The following GALNT13 variants were observed in gnomAD, a reference collection of about 807,000 sequenced individuals.
The protein encoded by GALNT13 is polypeptide N-acetylgalactosaminyltransferase 13, also known as UDP-GalNAc:polypeptide N-acetylgalactosaminyltransferase 13.
GALNT13 carries 28 observed loss-of-function variants against 64.2 expected under a neutral mutation model. The observed-to-expected ratio is 0.44, with a 90% CI of 0.32 to 0.60. The LOEUF (loss-of-function observed/expected upper bound fraction) is 0.60, where lower values mean the gene tolerates loss of function less well. Ranked by LOEUF, GALNT13 falls within the 20% of genes least tolerant of loss-of-function variation. The pLI is 0.05. For synonymous variants in GALNT13, 214 were observed against 224.6 expected, an observed-to-expected ratio of 0.95 and a Z score of 0.42; for missense variants, 577 against 669.8, an observed-to-expected ratio of 0.86 and a Z score of 1.53.
the GALNT13 span, among the ~76,000 whole-genome samples, chr2:153,316,638 T>TAAAAAAAAAAAAA: frequency 2.8e-5 from 1 of 36,006 alleles, no homozygotes; most frequent in Non-Finnish European, 6.8e-5. Flanking sequence ...AGACTCCGTC[T>TAAAAAAAAAAAAA]CAAAAAAAAA....
chr2:153,393,178 G>T, the GALNT13 span, among the ~76,000 whole-genome samples: 1 of 151,952 alleles, frequency 6.6e-6, no homozygotes, highest in Non-Finnish European at 1.5e-5. Context: ...TATATACATA[G>T]TATGCCAAAA....
At chr2:153,480,826 G>C in the GALNT13 span, among the ~76,000 whole-genome samples, 1 of 152,312 alleles carries the variant, frequency 6.6e-6, no homozygotes, top group East Asian at 1.9e-4. Flanking sequence ...TTAGGTGTAA[G>C]CAAATGGAGA....
chr2:154,337,255 G>A (rs934921253), intron 9 of GALNT13, among the ~76,000 whole-genome samples: 1 of 151,994 alleles, frequency 6.6e-6, no homozygotes, highest in East Asian at 1.9e-4. Context: ...CTTAAAATGT[G>A]GTCTTACTGA....
chr2:153,248,112 C>T, the GALNT13 span, among the ~76,000 whole-genome samples: 2 of 152,172 alleles, frequency 1.3e-5, no homozygotes, highest in Non-Finnish European at 2.9e-5. Context: ...GACAGATTCA[C>T]AGCCGAATTC....
At chr2:153,376,172 T>A in the GALNT13 span, among the ~76,000 whole-genome samples, 1 of 152,098 alleles carries the variant, frequency 6.6e-6, no homozygotes, top group East Asian at 1.9e-4. Context: ...ATTCAAACTA[T>A]AACAAATTTG....
intron 4 of GALNT13, among the ~76,000 whole-genome samples, chr2:154,183,726 AT>A (rs1185251412): frequency 1.2e-4 from 18 of 152,116 alleles, no homozygotes; most frequent in African/African-American, 4.3e-4. Flanking sequence ...AAACAAACAA[AT>A]TGAAAAAAAC....
At chr2:153,233,472 T>C in the GALNT13 span, among the ~76,000 whole-genome samples, 2 of 125,298 alleles carry the variant, frequency 1.6e-5, no homozygotes, top group Non-Finnish European at 3.6e-5. Flanking sequence ...CTCAATATAA[T>C]AATACCTTAT....
intron 9 of GALNT13, among the ~76,000 whole-genome samples, chr2:154,358,956 G>A (rs1696906848): frequency 6.6e-6 from 1 of 152,004 alleles, no homozygotes; most frequent in African/African-American, 2.4e-5. Flanking sequence ...TAATAAAATA[G>A]GACAAAACAA....
At chr2:154,101,874 T>C (rs917825681) in intron 3 of GALNT13, among the ~76,000 whole-genome samples, 1 of 152,152 alleles carries the variant, frequency 6.6e-6, no homozygotes, top group African/African-American at 2.4e-5. Flanking sequence ...GATGTTTTGA[T>C]ATCCACTTTA....
At chr2:153,255,753 T>A in the GALNT13 span, among the ~76,000 whole-genome samples, 1 of 152,344 alleles carries the variant, frequency 6.6e-6, no homozygotes, top group South Asian at 2.1e-4. Flanking sequence ...TATGAAATTC[T>A]GGGTTGAAAA....
intron 11 of GALNT13, among the ~76,000 whole-genome samples, chr2:154,418,982 C>T (rs192950484): frequency 6.6e-6 from 1 of 152,088 alleles, no homozygotes; most frequent in Non-Finnish European, 1.5e-5. Context: ...TTTGTATTCT[C>T]TACCATCATA....
chr2:153,799,037 G>C, the GALNT13 span, among the ~76,000 whole-genome samples: 1 of 152,096 alleles, frequency 6.6e-6, no homozygotes, highest in African/African-American at 2.4e-5. Flanking sequence ...AGGATTAAAA[G>C]TTTACAGGAG....
At chr2:153,846,825 C>T in the GALNT13 span, among the ~76,000 whole-genome samples, 1 of 152,000 alleles carries the variant, frequency 6.6e-6, no homozygotes, top group African/African-American at 2.4e-5. Flanking sequence ...CTGCACCAAA[C>T]CAAGTAGGGC....
chr2:154,342,237 G>A (rs1180112757), intron 9 of GALNT13, among the ~76,000 whole-genome samples: 2 of 151,952 alleles, frequency 1.3e-5, no homozygotes, highest in Non-Finnish European at 2.9e-5. Context: ...CCAAGAGAAT[G>A]GAGGTAGGAA....
the GALNT13 span, among the ~76,000 whole-genome samples, chr2:153,323,630 T>C: frequency 3.3e-5 from 5 of 152,220 alleles, no homozygotes; most frequent in Non-Finnish European, 5.9e-5. Context: ...AGGTTTTACA[T>C]TTAAGTCTTC....
At chr2:153,382,790 CT>C in the GALNT13 span, among the ~76,000 whole-genome samples, 2 of 151,816 alleles carry the variant, frequency 1.3e-5, no homozygotes, top group Non-Finnish European at 2.9e-5. Context: ...CTAAATTTAA[CT>C]TTTTTCTTAC....
At chr2:154,312,313 C>A (rs909132648) in intron 9 of GALNT13, among the ~76,000 whole-genome samples, 5 of 152,198 alleles carry the variant, frequency 3.3e-5, no homozygotes, top group Middle Eastern at 3.2e-3. Context: ...TGACTTCCCG[C>A]AACACAGATA....
the GALNT13 span, among the ~76,000 whole-genome samples, chr2:153,169,529 G>A: frequency 6.6e-6 from 1 of 152,182 alleles, no homozygotes; most frequent in Non-Finnish European, 1.5e-5. Context: ...AGAAGGCTAA[G>A]CTGTATTAAG....
At chr2:153,979,797 G>A (rs572728120) in intron 3 of GALNT13, among the ~76,000 whole-genome samples, 9 of 152,292 alleles carry the variant, frequency 5.9e-5, no homozygotes, top group African/African-American at 1.9e-4. Flanking sequence ...AGGCTGATAT[G>A]TATGCTTTTT....
Sources: gnomAD v4.1 joint callset for allele counts (sites outside exome capture counted in the v4.1 genomes callset) on GRCh38, gnomAD v4.1.1 for gene constraint, MANE v1.5 for transcripts, NCBI Gene and HGNC (gene_info 2026-07-23, HGNC 2026-07-21) for gene names.